Variants in SSBP3 observed in about 807,000 individuals in gnomAD.
The protein encoded by SSBP3 is single-stranded DNA-binding protein 3.
SSBP3 carries 5 observed loss-of-function variants against 69.6 expected under a neutral mutation model. That is an observed-to-expected ratio of 0.07 (90% CI 0.04 to 0.15). The LOEUF is 0.15. SSBP3 is among the 10% of genes least tolerant of loss of function. SSBP3 has a pLI of 1.00. For missense variants in SSBP3, 312 were observed against 534.0 expected (o/e 0.58, Z 4.10); for synonymous variants, 196 against 193.4 (o/e 1.01, Z -0.11).
chr1:54,258,049 G>A lies in SSBP3; in HGVS notation c.447+20C>T, dbSNP rs772517005. On this transcript the variant is annotated intron_variant, in intron 6 of 17. Coordinates refer to ENST00000610401, the Ensembl canonical transcript of SSBP3. This position sits in a 1 kb window ranked among gnomAD's most constrained non-coding sequence, Gnocchi z 4.5. ...CGCGCCCCGCGTCCCCGGCGGGCGG[G>A]AGCGCCACGGTGCGTTTACCTGACT... The A allele has an allele frequency of 7.0e-6, 11 of 1,572,540 alleles. No homozygotes were observed. Among genetic ancestry groups the A allele is most frequent in the Non-Finnish European group, 1.7e-6 (2 of 1,160,308 alleles).
intron 4 of SSBP3, among the ~76,000 whole-genome samples, chr1:54,360,238 G>C (rs1197273011): frequency 6.6e-6 from 1 of 152,136 alleles, no homozygotes; most frequent in Non-Finnish European, 1.5e-5. Flanking sequence ...GGACAAAAGA[G>C]CTGTCTAGAA....
chr1:54,278,999 G>T (rs1010372768), intron 5 of SSBP3, among the ~76,000 whole-genome samples: 1 of 152,222 alleles, frequency 6.6e-6, no homozygotes, highest in Non-Finnish European at 1.5e-5. Context: ...CCTTGGCAGT[G>T]TCCCAGCCTG....
chr1:54,398,539 T>TA (rs578209046), intron 4 of SSBP3, among the ~76,000 whole-genome samples: 67 of 152,302 alleles, frequency 4.4e-4, no homozygotes, highest in African/African-American at 1.4e-3. Context: ...GGCACACAGT[T>TA]AGAGACACTC....
intron 17 of SSBP3, 136 bp downstream of exon 17, chr1:54,228,119 T>A (rs1557434280): frequency 1.1e-5 from 9 of 835,764 alleles, no homozygotes; most frequent in Admixed American, 2.0e-5. Context: ...GCTAAAAAAA[T>A]AACTGAGGTG....
intron 4 of SSBP3, among the ~76,000 whole-genome samples, chr1:54,346,280 G>A (rs532495349): frequency 2.6e-5 from 4 of 151,608 alleles, no homozygotes; most frequent in South Asian, 4.2e-4. Context: ...AGCCTAGATC[G>A]GGCCACTGCA....
At chr1:54,336,380 TC>T (rs1401633921) in intron 4 of SSBP3, among the ~76,000 whole-genome samples, 4 of 151,648 alleles carry the variant, frequency 2.6e-5, no homozygotes, top group Non-Finnish European at 5.9e-5. Context: ...CCTCCTTCCC[TC>T]CTTTTCTCCT....
intron 4 of SSBP3, among the ~76,000 whole-genome samples, chr1:54,320,862 G>A (rs558722774): frequency 4.6e-5 from 7 of 152,280 alleles, no homozygotes; most frequent in South Asian, 2.1e-4. Flanking sequence ...CATACGGTAC[G>A]CATTCAACCA....
intron 9 of SSBP3, 157 bp from the exon 10 acceptor site, chr1:54,243,456 G>A (rs993203660): frequency 3.3e-5 from 28 of 851,408 alleles, no homozygotes; most frequent in South Asian, 2.0e-4. Context: ...TGGGGCGGGT[G>A]GGAACCAAGT....
chr1:54,240,102 GTGCGTGCGCGCGCGCGCGCAA>G (rs1251585436), intron 13 of SSBP3, among the ~76,000 whole-genome samples: 12 of 6,030 alleles, frequency 2.0e-3, no homozygotes, highest in South Asian at 9.1e-3. Flanking sequence ...GCGCGCGCGT[GTGCGTGCGCGCGCGCGCGCAA>G]CACATGCCCA....
chr1:54,298,221 C>T (rs193187222), intron 4 of SSBP3, among the ~76,000 whole-genome samples: 73 of 152,240 alleles, frequency 4.8e-4, no homozygotes, highest in Admixed American at 1.8e-3. Flanking sequence ...CACAGAAGAG[C>T]GCTGCCCTGC....
In SSBP3 at chr1:54,280,462, A is replaced by C. The variant is rs958489199; in HGVS notation, c.366+976T>G. On this transcript the variant is annotated intron_variant, in intron 5 of 17. Coordinates refer to ENST00000610401, the Ensembl canonical transcript of SSBP3. ...CTGAATTCTAGGGCTGTACAGAGGA[A>C]ATTTCTGCCTCCTTTTCCACACAAC... Among the ~76,000 whole-genome samples the C allele has an allele frequency of 2.0e-5, 3 of 152,134 alleles. No individual in the cohort carries two copies. In the South Asian group the frequency reaches 6.2e-4, roughly 32 times the overall value.
In SSBP3 at chr1:54,333,902, A is replaced by G. The variant is rs74350508; in HGVS notation, c.277-52375T>C. ...CAACAAAGCAAGATCCTATCTATAT[A>G]AAGTATTTTAAAACTAGGCAGGCAT... On this transcript the variant is annotated intron_variant, in intron 4 of 17. Coordinates refer to ENST00000610401, the Ensembl canonical transcript of SSBP3. Among the ~76,000 whole-genome samples, 66 of 152,040 alleles carry G rather than the reference A, an allele frequency of 4.3e-4. No individual in the cohort carries two copies. In the East Asian group the frequency reaches 0.012, roughly 27 times the overall value.
At chr1:54,378,690 T>TCTG (rs1241158546) in intron 4 of SSBP3, among the ~76,000 whole-genome samples, 9 of 152,234 alleles carry the variant, frequency 5.9e-5, no homozygotes, top group Admixed American at 4.6e-4. Context: ...ACTAGCTCCT[T>TCTG]CTGTTGTTTC....
At chr1:54,342,093 CAA>C (rs1416303818) in intron 4 of SSBP3, among the ~76,000 whole-genome samples, 2 of 152,316 alleles carry the variant, frequency 1.3e-5, no homozygotes, top group South Asian at 2.1e-4. Flanking sequence ...TGGATCTGGG[CAA>C]AGTTTCCCTG....
chr1:54,250,490 T>C (rs1460155567), intron 9 of SSBP3, among the ~76,000 whole-genome samples: 2 of 150,910 alleles, frequency 1.3e-5, no homozygotes, highest in Admixed American at 6.6e-5. Context: ...GGGCTGTGGT[T>C]CTGTGGGGCA....
chr1:54,304,889 GAGAAAC>G (rs1339968358), intron 4 of SSBP3, among the ~76,000 whole-genome samples: 6 of 152,262 alleles, frequency 3.9e-5, no homozygotes, highest in Non-Finnish European at 8.8e-5. Context: ...CAGATAAACA[GAGAAAC>G]ACATTCTCAG....
At chr1:54,239,848 G>T (rs1379617782) in intron 13 of SSBP3, among the ~76,000 whole-genome samples, 1 of 152,192 alleles carries the variant, frequency 6.6e-6, no homozygotes. Flanking sequence ...GGGCGGGGGA[G>T]AGTCCCCTCC....
At chr1:54,231,193 C>T (rs1425050736) in intron 14 of SSBP3, among the ~76,000 whole-genome samples, 2 of 152,230 alleles carry the variant, frequency 1.3e-5, no homozygotes, top group Non-Finnish European at 1.5e-5. Flanking sequence ...CTTCCACACC[C>T]TCGCCAACAC....
At chr1:54,231,499 T>C (rs1389605100) in intron 14 of SSBP3, among the ~76,000 whole-genome samples, 1 of 152,238 alleles carries the variant, frequency 6.6e-6, no homozygotes, top group African/African-American at 2.4e-5. Context: ...TGGTGTCCTT[T>C]GAAGCACAAA....
Sources: gnomAD v4.1 joint callset for allele counts (sites outside exome capture counted in the v4.1 genomes callset) on GRCh38, gnomAD v4.1.1 for gene constraint, Gnocchi (gnomAD v3.1) non-coding constraint, MANE v1.5 for transcripts, NCBI Gene and HGNC (gene_info 2026-07-23, HGNC 2026-07-21) for gene names.